The following EGFR variants were observed in gnomAD, a reference collection of about 807,000 sequenced individuals.
EGFR encodes avian erythroblastic leukemia viral (v-erb-b) oncogene homolog.
Under a neutral mutation model 143.0 loss-of-function variants are expected in EGFR, and 58 were observed. The ratio of observed to expected loss-of-function variants is 0.41; its 90% CI spans 0.33 to 0.50. The LOEUF is 0.50. Among genes scored for constraint, EGFR ranks in the 20% least tolerant of loss-of-function variants. The pLI is 0.39. For synonymous variants in EGFR, 613 were observed against 594.4 expected (o/e 1.03, Z -0.45); for missense variants, 1,307 against 1,579.0 (o/e 0.83, Z 2.92).
chr7:55,162,380 G>A (rs898658152), intron 13 of EGFR, among the ~76,000 whole-genome samples: 2 of 152,254 alleles, frequency 1.3e-5, no homozygotes, highest in Non-Finnish European at 2.9e-5. Context: ...TCTGGGCATG[G>A]ACCACAGCTT....
At chr7:55,156,461 C>T (rs2128937976) in intron 8 of EGFR, 72 bp from the exon 9 acceptor site, 1 of 1,604,588 alleles carries the variant, frequency 6.2e-7, no homozygotes, top group Admixed American at 1.7e-5. Context: ...CTGCTTCCCT[C>T]TGCCTGTGGA....
chr7:55,194,965 A>G (rs1380685542), intron 22 of EGFR, among the ~76,000 whole-genome samples: 1 of 152,196 alleles, frequency 6.6e-6, no homozygotes, highest in African/African-American at 2.4e-5. Context: ...TTAGGGGCCT[A>G]GTGTGTTGTA....
In EGFR at chr7:55,019,225, A is replaced by T. The variant is rs2128853130; in HGVS notation, c.-53A>T. The T allele has an allele frequency of 7.2e-7, 1 of 1,379,490 alleles. No individual in the cohort carries two copies. Among genetic ancestry groups the T allele is most frequent in the Non-Finnish European group, 9.7e-7 (1 of 1,035,064 alleles). 85.5% of individuals were successfully genotyped at this position (1,379,490 alleles called of 1,614,324 possible). On this transcript the variant is annotated 5_prime_UTR_variant, in exon 1 of 28. Coordinates refer to ENST00000275493, the MANE Select transcript of EGFR (RefSeq NM_005228.5). ...CACAACCACCGCGCACGGCCCCCTG[A>T]CTCCGTCCAGTATTGATCGGGAGAG...
At chr7:55,085,255 G>A (rs1160791490) in intron 1 of EGFR, among the ~76,000 whole-genome samples, 1 of 152,202 alleles carries the variant, frequency 6.6e-6, no homozygotes, top group African/African-American at 2.4e-5. Context: ...TATCATGCCT[G>A]GGGTATCAGA....
chr7:55,201,383 C>T (rs2128971879), intron 25 of EGFR, 28 bp downstream of exon 25: 1 of 1,613,988 alleles, frequency 6.2e-7, no homozygotes, highest in Non-Finnish European at 8.5e-7. Flanking sequence ...CTCTCTCTCT[C>T]TCAAGCTGTG....
At chr7:55,040,502 CT>C (rs1378435148) in intron 1 of EGFR, among the ~76,000 whole-genome samples, 1 of 152,108 alleles carries the variant, frequency 6.6e-6, no homozygotes, top group African/African-American at 2.4e-5. Flanking sequence ...ATTTATTTTA[CT>C]CATTGCTGTA....
At chr7:55,083,577 C>A (rs115427890) in intron 1 of EGFR, among the ~76,000 whole-genome samples, 4 of 151,908 alleles carry the variant, frequency 2.6e-5, no homozygotes, top group Admixed American at 6.6e-5. Flanking sequence ...AGGCACATGG[C>A]GAGGCACACT....
chr7:55,080,991 C>T (rs558826063), intron 1 of EGFR, among the ~76,000 whole-genome samples: 1 of 152,024 alleles, frequency 6.6e-6, no homozygotes, highest in Non-Finnish European at 1.5e-5. Flanking sequence ...TCCTTTTGGC[C>T]ACTATACTAC....
chr7:55,125,240 T>A (rs1412620929), intron 1 of EGFR, among the ~76,000 whole-genome samples: 2 of 152,206 alleles, frequency 1.3e-5, no homozygotes, highest in East Asian at 3.8e-4. Context: ...GTGTTTCAAG[T>A]TGGGAGAAGG....
At chr7:55,065,429 A>G (rs970268975) in intron 1 of EGFR, among the ~76,000 whole-genome samples, 1 of 152,248 alleles carries the variant, frequency 6.6e-6, no homozygotes. Flanking sequence ...TTTACTCACT[A>G]GAAGTATCTG....
At chr7:55,038,260 T>C (rs566363938) in intron 1 of EGFR, among the ~76,000 whole-genome samples, 5 of 152,274 alleles carry the variant, frequency 3.3e-5, no homozygotes, top group African/African-American at 1.2e-4. Context: ...CGCCCCAGTT[T>C]GAAGGCTGCT....
Position 55,066,668 on chromosome 7 carries a change from CTGGGG to C in EGFR, c.88+47315_88+47319del, listed in dbSNP as rs1355925558. ...AGTCAGCTGAATTCCTTCCACCGTG[CTGGGG>C]TGGGGTGGGGTTCACGCAGGTTCTC... On this transcript the variant is annotated intron_variant, in intron 1 of 27. Transcript: ENST00000275493. Among the ~76,000 whole-genome samples the C allele has an allele frequency of 5.3e-5, 8 of 152,166 alleles. No individual in the cohort carries two copies. In the East Asian group the frequency reaches 1.5e-3, roughly 29 times the overall value.
intron 1 of EGFR, 125 bp downstream of exon 1, chr7:55,019,490 C>T (rs1232483012): frequency 4.6e-6 from 2 of 436,004 alleles, no homozygotes; most frequent in Admixed American, 5.4e-5. Context: ...TTCCTGTTTC[C>T]TTGAGATCAG....
At chr7:55,144,591 A>G (rs1794654322) in intron 3 of EGFR, among the ~76,000 whole-genome samples, 1 of 152,200 alleles carries the variant, frequency 6.6e-6, no homozygotes, top group African/African-American at 2.4e-5. Context: ...ACCTCTGGTC[A>G]TGGCTCCTCA....
chr7:55,185,303 T>C (rs927409995), intron 20 of EGFR, among the ~76,000 whole-genome samples: 1 of 152,192 alleles, frequency 6.6e-6, no homozygotes, highest in Non-Finnish European at 1.5e-5. Flanking sequence ...ACTTGCTTAC[T>C]AGCCAGAAAG....
intron 1 of EGFR, among the ~76,000 whole-genome samples, chr7:55,133,768 C>G (rs1793984059): frequency 6.6e-6 from 1 of 152,180 alleles, no homozygotes; most frequent in African/African-American, 2.4e-5. Context: ...TCTGGCAGGT[C>G]TGAGGCGCCA....
intron 1 of EGFR, among the ~76,000 whole-genome samples, chr7:55,058,516 AC>A (rs1193614048): frequency 6.6e-6 from 1 of 152,232 alleles, no homozygotes; most frequent in Admixed American, 6.5e-5. Flanking sequence ...ACCACGAAAT[AC>A]TATGCAGCCA....
intron 12 of EGFR, among the ~76,000 whole-genome samples, chr7:55,161,102 C>A (rs1181124526): frequency 6.6e-6 from 1 of 152,238 alleles, no homozygotes; most frequent in Non-Finnish European, 1.5e-5. Flanking sequence ...AGCACCTGCT[C>A]CTCTGCACAC....
At chr7:55,078,328 G>C (rs17514740) in intron 1 of EGFR, among the ~76,000 whole-genome samples, 72,566 of 150,742 alleles carry the variant, frequency 0.48, 18,573 homozygotes, top group African/African-American at 0.6. Flanking sequence ...AGCCCAGAGC[G>C]GTGCCAGGAA....
Sources: gnomAD v4.1 joint callset for allele counts (sites outside exome capture counted in the v4.1 genomes callset) on GRCh38, gnomAD v4.1.1 for gene constraint, MANE v1.5 for transcripts, NCBI Gene and HGNC (gene_info 2026-07-23, HGNC 2026-07-21) for gene names.